SCAMP1: variants seen among roughly 807,000 people sequenced by gnomAD.
The protein encoded by SCAMP1 is secretory carrier membrane protein 1, also known as secretory carrier-associated membrane protein 1.
Under a neutral mutation model 41.8 loss-of-function variants are expected in SCAMP1, and 15 were observed. The ratio of observed to expected loss-of-function variants is 0.36; its 90% confidence interval spans 0.24 to 0.55. The LOEUF (loss-of-function observed/expected upper bound fraction) is 0.55. SCAMP1 is among the 20% of genes least tolerant of loss of function. The pLI, the probability that SCAMP1 is intolerant of heterozygous loss-of-function variation, is 0.86. For synonymous variants in SCAMP1, 135 were observed against 136.8 expected, an observed-to-expected ratio of 0.99 and a Z score of 0.09; for missense variants, 341 against 412.6, an observed-to-expected ratio of 0.83 and a Z score of 1.50.
chr5:78,417,898 A>G (rs1174518800), intron 4 of SCAMP1, among the ~76,000 whole-genome samples: 1 of 152,240 alleles, frequency 6.6e-6, no homozygotes, highest in African/African-American at 2.4e-5. Flanking sequence ...TTCTATAAAA[A>G]TTACCCTGGT....
chr5:78,398,031 C>T (rs530444592), intron 2 of SCAMP1, among the ~76,000 whole-genome samples: 1 of 152,302 alleles, frequency 6.6e-6, no homozygotes, highest in South Asian at 2.1e-4. Flanking sequence ...CTTTGGAAAA[C>T]AGTTTGCTAG....
intron 8 of SCAMP1, among the ~76,000 whole-genome samples, chr5:78,463,926 T>A (rs1753678133): frequency 6.6e-6 from 1 of 152,076 alleles, no homozygotes; most frequent in Non-Finnish European, 1.5e-5. Context: ...CACTAAGCAC[T>A]TTATGTAATT....
At chr5:78,470,149 G>A (rs948943930) in intron 8 of SCAMP1, among the ~76,000 whole-genome samples, 2 of 151,932 alleles carry the variant, frequency 1.3e-5, no homozygotes, top group African/African-American at 4.8e-5. Context: ...GGCTTTTGGT[G>A]TATTGTATTT....
At chr5:78,386,477 T>A (rs946897228) in intron 1 of SCAMP1, among the ~76,000 whole-genome samples, 2 of 152,158 alleles carry the variant, frequency 1.3e-5, no homozygotes, top group African/African-American at 4.8e-5. Flanking sequence ...TGTGAGGTAC[T>A]GTTCTATTCA....
chr5:78,428,539 TAGTC>T (rs1167216081), intron 6 of SCAMP1, among the ~76,000 whole-genome samples: 3 of 152,190 alleles, frequency 2.0e-5, no homozygotes, highest in Non-Finnish European at 4.4e-5. Context: ...GCTTTATAGT[TAGTC>T]AGTCTTTCGA....
chr5:78,419,175 T>G lies in SCAMP1; in HGVS notation c.472+272T>G, dbSNP rs543323288. 5.9e-5 allele frequency among the ~76,000 whole-genome samples: 9 copies of G among 152,278 alleles called. No homozygotes were observed. In the South Asian group the frequency reaches 1.9e-3, roughly 32 times the overall value. On this transcript the variant is annotated intron_variant, in intron 5 of 8. Transcript: ENST00000621999. ...AACTTCTCTGTCATGTGGGTAAAAT[T>G]TTATAAGATTCTTTTTCCTTGAAAG...
intron 2 of SCAMP1, among the ~76,000 whole-genome samples, chr5:78,409,445 A>G (rs889384819): frequency 6.6e-5 from 10 of 151,220 alleles, no homozygotes; most frequent in African/African-American, 2.5e-4. Flanking sequence ...ACACACACAC[A>G]CACGCATACA....
chr5:78,456,511 C>T (rs1157308415), intron 7 of SCAMP1, among the ~76,000 whole-genome samples: 17 of 151,436 alleles, frequency 1.1e-4, no homozygotes, highest in Non-Finnish European at 2.9e-5. Context: ...TGAATATTGG[C>T]CCCCACTCTC....
intron 7 of SCAMP1, among the ~76,000 whole-genome samples, chr5:78,458,187 A>G (rs995702716): frequency 6.6e-6 from 1 of 152,048 alleles, no homozygotes; most frequent in African/African-American, 2.4e-5. Context: ...AGCTGTTCCT[A>G]TTCGGCCATC....
chr5:78,424,544 A>G lies in SCAMP1; in HGVS notation c.632+2584A>G, dbSNP rs566646670. 7.9e-5 allele frequency among the ~76,000 whole-genome samples: 12 copies of G among 152,308 alleles called. No homozygotes were observed. The South Asian group carries it at 2.5e-3, about 32-fold the overall frequency. ...CAGGCGTTTGAGAACAGCCTGGCCA[A>G]CATGGTGAAACTCCATCTCTACTAA... On this transcript the variant is annotated intron_variant, in intron 6 of 8. Coordinates refer to ENST00000621999, the MANE Select transcript of SCAMP1 (RefSeq NM_004866.6).
At chr5:78,455,035 TTTATCA>T (rs1753350422) in intron 7 of SCAMP1, among the ~76,000 whole-genome samples, 1 of 151,792 alleles carries the variant, frequency 6.6e-6, no homozygotes, top group Non-Finnish European at 1.5e-5. Flanking sequence ...TGATATCCCC[TTTATCA>T]TTTTTTATTG....
At chr5:78,417,961 A>G (rs1211291012) in intron 4 of SCAMP1, among the ~76,000 whole-genome samples, 1 of 152,210 alleles carries the variant, frequency 6.6e-6, no homozygotes, top group Non-Finnish European at 1.5e-5. Flanking sequence ...TATAACATCT[A>G]AAATCGGGAA....
chr5:78,452,087 A>G (rs1047171911), intron 7 of SCAMP1, among the ~76,000 whole-genome samples: 2 of 152,220 alleles, frequency 1.3e-5, no homozygotes, highest in African/African-American at 2.4e-5. Flanking sequence ...AAATTTGTGA[A>G]TAGATTTTTG....
chr5:78,457,543 C>T (rs1753450203), intron 7 of SCAMP1, among the ~76,000 whole-genome samples: 1 of 152,202 alleles, frequency 6.6e-6, no homozygotes, highest in African/African-American at 2.4e-5. Context: ...TCTGCCCGTT[C>T]TCAGATCTCC....
intron 6 of SCAMP1, among the ~76,000 whole-genome samples, chr5:78,438,607 A>C (rs991896999): frequency 1.3e-5 from 2 of 152,078 alleles, no homozygotes; most frequent in Admixed American, 6.6e-5. Flanking sequence ...GTTCTTTTAC[A>C]TTTGCTGAGG....
intron 1 of SCAMP1, among the ~76,000 whole-genome samples, chr5:78,368,003 A>AT (rs1750841679): frequency 6.6e-6 from 1 of 152,100 alleles, no homozygotes; most frequent in Non-Finnish European, 1.5e-5. Flanking sequence ...GCTGAGTAGC[A>AT]TTTTTGGCCT....
At chr5:78,463,329 T>G (rs1418267905) in intron 8 of SCAMP1, among the ~76,000 whole-genome samples, 1 of 152,224 alleles carries the variant, frequency 6.6e-6, no homozygotes, top group Non-Finnish European at 1.5e-5. Context: ...CTTCATCCAG[T>G]TCATAAATTA....
At chr5:78,427,275 C>T (rs559169630) in intron 6 of SCAMP1, among the ~76,000 whole-genome samples, 99 of 152,172 alleles carry the variant, frequency 6.5e-4, no homozygotes, top group Non-Finnish European at 1.3e-3. Context: ...TTTTTAATAG[C>T]CAGCTCTTTT....
At chr5:78,458,917 T>C (rs906336245) in intron 7 of SCAMP1, among the ~76,000 whole-genome samples, 1 of 152,098 alleles carries the variant, frequency 6.6e-6, no homozygotes, top group African/African-American at 2.4e-5. Flanking sequence ...ACTCATAAGC[T>C]TAAAAAATGT....
Sources: allele counts gnomAD v4.1 joint callset (sites outside exome capture counted in the v4.1 genomes callset), GRCh38; gene constraint gnomAD v4.1.1; transcripts MANE v1.5; gene names NCBI Gene and HGNC (gene_info 2026-07-23, HGNC 2026-07-21).